The following EGLN1 variants were observed in gnomAD, a reference collection of about 807,000 sequenced individuals.
EGLN1 encodes the protein egl-9 family hypoxia inducible factor 1, also known as egl nine homolog 1.
In EGLN1, 17 loss-of-function variants were observed where a neutral mutation model predicts 38.3. That is an observed-to-expected ratio of 0.44 (90% CI 0.30 to 0.67). EGLN1 has a LOEUF of 0.67. Among genes scored for constraint, EGLN1 ranks in the 30% least tolerant of loss-of-function variants. The pLI is 0.08. For synonymous variants in EGLN1, 283 were observed against 257.5 expected, an observed-to-expected ratio of 1.10 and a Z score of -0.95; for missense variants, 477 against 603.3, an observed-to-expected ratio of 0.79 and a Z score of 2.19.
chr1:231,413,887 T>C lies in EGLN1; in HGVS notation c.891+7111A>G, dbSNP rs546535612. On this transcript the variant is annotated intron_variant, in intron 1 of 4. Transcript: ENST00000366641. Reference sequence around the variant, plus strand: ...GAATTCCAAACTCATGAAAACTTTATGGGGATCTCAAGTCAACAGACACTG... The same window carrying C: ...GAATTCCAAACTCATGAAAACTTTACGGGGATCTCAAGTCAACAGACACTG... 3.3e-5 allele frequency among the ~76,000 whole-genome samples: 5 copies of C among 151,718 alleles called. No homozygotes were observed. The East Asian group carries it at 9.6e-4, about 29-fold the overall frequency.
chr1:231,421,894 C>T lies in EGLN1; in HGVS notation c.-6G>A. The T allele has an allele frequency of 2.1e-6, 3 of 1,412,044 alleles. No individual in the cohort carries two copies. The highest frequency in any genetic ancestry group is 2.7e-6 in the Non-Finnish European group (3 of 1,092,948). 87.5% of individuals were successfully genotyped at this position (1,412,044 alleles called of 1,614,324 possible). On this transcript the variant is annotated 5_prime_UTR_variant, in exon 1 of 5. Coordinates refer to ENST00000366641, the MANE Select transcript of EGLN1 (RefSeq NM_022051.3). This position sits in a 1 kb window ranked among gnomAD's most constrained non-coding sequence, Gnocchi z 5.5. ...CCGCCGCTGTCATTGGCCATGGCGG[C>T]GGCGGCGGCGGCGACGGCGACTGCG...
chr1:231,409,926 A>G (rs1210149526), intron 1 of EGLN1, among the ~76,000 whole-genome samples: 1 of 152,192 alleles, frequency 6.6e-6, no homozygotes, highest in Non-Finnish European at 1.5e-5. Context: ...GTAGCAGAAG[A>G]GCTTCAACAC....
intron 3 of EGLN1, among the ~76,000 whole-genome samples, chr1:231,368,935 T>C (rs761919774): frequency 3.7e-4 from 57 of 152,168 alleles, no homozygotes; most frequent in Non-Finnish European, 1.6e-4. Flanking sequence ...TTGGGTGGCC[T>C]TGGAAATAGG....
chr1:231,389,826 T>C (rs1013514708), intron 1 of EGLN1, among the ~76,000 whole-genome samples: 1 of 152,198 alleles, frequency 6.6e-6, no homozygotes, highest in Non-Finnish European at 1.5e-5. Context: ...CAAGCGCCTG[T>C]AGCCCCAGCT....
intron 1 of EGLN1, among the ~76,000 whole-genome samples, chr1:231,400,705 C>T (rs1042562044): frequency 6.6e-6 from 1 of 152,146 alleles, no homozygotes; most frequent in Admixed American, 6.5e-5. Flanking sequence ...TCTGAAATTA[C>T]TTCAATAAGG....
intron 1 of EGLN1, among the ~76,000 whole-genome samples, chr1:231,413,853 G>A (rs546167053): frequency 9.6e-4 from 144 of 149,750 alleles, no homozygotes; most frequent in Non-Finnish European, 1.6e-3. Context: ...CACTGAATAA[G>A]AAAAAAGAGA....
chr1:231,415,917 G>C (rs547222432), intron 1 of EGLN1, among the ~76,000 whole-genome samples: 1 of 150,424 alleles, frequency 6.6e-6, no homozygotes, highest in African/African-American at 2.5e-5. Context: ...GCACAATCCC[G>C]GCTCACTGCA....
intron 1 of EGLN1, among the ~76,000 whole-genome samples, chr1:231,397,775 A>G (rs909000035): frequency 6.6e-6 from 1 of 152,244 alleles, no homozygotes; most frequent in African/African-American, 2.4e-5. Context: ...ACATAAGGAA[A>G]GTGTCCACAA....
At position 231,421,609 on chromosome 1, in the gene EGLN1, T is replaced by A. The variant is rs539743848; in HGVS notation, c.280A>T (p.Arg94Trp). The A allele has an allele frequency of 7.4e-7, 1 of 1,345,416 alleles. No individual in the cohort carries two copies. The highest frequency in any genetic ancestry group is 1.5e-5 in the African/African-American group (1 of 64,964). 83.3% of individuals were successfully genotyped at this position (1,345,416 alleles called of 1,614,324 possible). Residue 94 changes from arginine (R) to tryptophan (W), a missense_variant, in exon 1 of 5, where the codon AGG becomes TGG. By Grantham distance (101) the Arg-to-Trp change is moderately radical (BLOSUM62 -3). Around this residue, in one of 4 missense-constraint regions of EGLN1, gnomAD observed 298 missense variants for 288.9 expected, o/e 1.03. Transcript: ENST00000366641. The surrounding 1 kb of genome is among the most constrained non-coding windows in gnomAD (Gnocchi z 5.5). ...PPPRAGAREP[R>W]KAAARRDNAS... ...TTGTCCCGGCGCGCCGCTGCCTTCCTGGGCTCCCGGGCCCCGGCCCTGGGC... is the reference window on the plus strand; with the variant it reads ...TTGTCCCGGCGCGCCGCTGCCTTCCAGGGCTCCCGGGCCCCGGCCCTGGGC...
At position 231,421,540 on chromosome 1, in the gene EGLN1, G is replaced by C; in HGVS notation, c.349C>G (p.Pro117Ala). ...GACGCGGCCGCCGCTGGGTCGGCCGGGGGCTTGGCCTTTACTTTTCCCTTG... is the reference window on the plus strand; with the variant it reads ...GACGCGGCCGCCGCTGGGTCGGCCGCGGGCTTGGCCTTTACTTTTCCCTTG... ...AAKGKVKAKP[P>A]ADPAAAASPC... The change falls in exon 1 of 5, where the codon CCG becomes GCG. Residue 117 changes from proline to alanine, a missense_variant. Coordinates refer to ENST00000366641, the MANE Select transcript of EGLN1 (RefSeq NM_022051.3). This position sits in a 1 kb window ranked among gnomAD's most constrained non-coding sequence, Gnocchi z 5.5. 12 of 1,297,586 alleles carry C rather than the reference G, an allele frequency of 9.2e-6. No homozygotes were observed. The highest frequency in any genetic ancestry group is 8.8e-6 in the Non-Finnish European group (9 of 1,024,776). 80.4% of individuals were successfully genotyped at this position (1,297,586 alleles called of 1,614,324 possible).
intron 1 of EGLN1, among the ~76,000 whole-genome samples, chr1:231,377,848 G>A (rs1390321159): frequency 1.3e-5 from 2 of 152,128 alleles, no homozygotes; most frequent in Non-Finnish European, 2.9e-5. Flanking sequence ...GTGCTTAGCT[G>A]TTTCCTATAC....
chr1:231,397,227 G>C lies in EGLN1; in HGVS notation c.892-23128C>G, dbSNP rs140933764. ...CTACAAACAAGACATTTCTTGCAAG[G>C]CTGTTTCATTTTAAATAGTCATCTT... On this transcript the variant is annotated intron_variant, in intron 1 of 4. Coordinates refer to ENST00000366641, the MANE Select transcript of EGLN1 (RefSeq NM_022051.3). Among the ~76,000 whole-genome samples, 353 of 152,286 alleles carry C rather than the reference G, an allele frequency of 2.3e-3. 1 individual carries two copies. Among genetic ancestry groups the C allele is most frequent in the Middle Eastern group, 6.8e-3 (2 of 294 alleles).
At chr1:231,405,810 A>C (rs968172524) in intron 1 of EGLN1, among the ~76,000 whole-genome samples, 2 of 152,160 alleles carry the variant, frequency 1.3e-5, no homozygotes, top group African/African-American at 4.8e-5. Flanking sequence ...ACATCAAAGC[A>C]TAGTTCCTGA....
At chr1:231,391,084 TTTTTTTTTTGTG>T (rs1208186392) in intron 1 of EGLN1, among the ~76,000 whole-genome samples, 7 of 23,780 alleles carry the variant, frequency 2.9e-4, no homozygotes, top group Non-Finnish European at 3.4e-4. Context: ...ACTCATTCTG[TTTTTTTTTTGTG>T]TGTGTGTGTG....
chr1:231,404,125 A>C (rs1166181742), intron 1 of EGLN1, among the ~76,000 whole-genome samples: 3 of 152,128 alleles, frequency 2.0e-5, no homozygotes, highest in Non-Finnish European at 4.4e-5. Flanking sequence ...TTGACTGTTA[A>C]AAATGTTAAG....
chr1:231,382,701 A>G (rs1361498144), intron 1 of EGLN1, among the ~76,000 whole-genome samples: 13 of 152,148 alleles, frequency 8.5e-5, no homozygotes, highest in African/African-American at 4.8e-5. Context: ...TTTGATTCCA[A>G]TTAGGTTCAG....
chr1:231,374,166 T>A, intron 1 of EGLN1, 67 bp from the exon 2 acceptor site: 1 of 1,463,488 alleles, frequency 6.8e-7, no homozygotes. Context: ...AGCTAATAAA[T>A]CAGATCTCTG....
chr1:231,392,451 G>A (rs2102917179), intron 1 of EGLN1, among the ~76,000 whole-genome samples: 1 of 152,152 alleles, frequency 6.6e-6, no homozygotes, highest in Admixed American at 6.5e-5. Context: ...AAAATTGGTG[G>A]CCCAGGTCTG....
In EGLN1 at chr1:231,421,433, G is replaced by C. The variant is rs1422992641; in HGVS notation, c.456C>G (p.Arg152=). The C allele has an allele frequency of 2.6e-6, 4 of 1,538,972 alleles. No homozygotes were observed. Among genetic ancestry groups the C allele is most frequent in the Non-Finnish European group, 2.6e-6 (3 of 1,140,582 alleles). The change falls in exon 1 of 5, where the codon CGC becomes CGG. Residue 152 remains arginine (R), a synonymous_variant. Coordinates refer to ENST00000366641, the MANE Select transcript of EGLN1 (RefSeq NM_022051.3). The surrounding 1 kb of genome is among the most constrained non-coding windows in gnomAD (Gnocchi z 5.5). ...AEPGKEEPPA[R]SSLFQEKANL... ...TCGCCTTCTCCTGGAACAGCGATGA[G>C]CGGGCCGGCGGCTCCTCCTTGCCGG...
Sources: allele counts gnomAD v4.1 joint callset (sites outside exome capture counted in the v4.1 genomes callset), GRCh38; gene constraint gnomAD v4.1.1; regional missense constraint gnomAD v4.1.1; non-coding constraint Gnocchi (gnomAD v3.1); transcripts MANE v1.5; gene names NCBI Gene and HGNC (gene_info 2026-07-23, HGNC 2026-07-21).